The following MRPS6 variants were observed in gnomAD, a reference collection of about 807,000 sequenced individuals.
MRPS6 encodes the protein mitochondrial ribosomal protein S6.
Under a neutral mutation model 13.1 loss-of-function variants are expected in MRPS6, and 6 were observed. The observed-to-expected ratio is 0.46, with a 90% CI of 0.25 to 0.91. The LOEUF (loss-of-function observed/expected upper bound fraction) is 0.91. MRPS6 is among the 40% of genes least tolerant of loss of function. MRPS6 has a pLI of 0.18. For missense variants in MRPS6, 164 were observed against 155.6 expected (o/e 1.05, Z -0.29); for synonymous variants, 61 against 56.5 (o/e 1.08, Z -0.36).
intron 1 of MRPS6, chr21:34,095,687 C>T (rs1191189870): frequency 6.2e-7 from 1 of 1,613,646 alleles, no homozygotes; most frequent in Non-Finnish European, 8.5e-7. Context: ...TGTCTGTCAT[C>T]CTGCTCATTG....
intron 1 of MRPS6, among the ~76,000 whole-genome samples, chr21:34,093,977 CT>C (rs935858958): frequency 1.3e-5 from 2 of 152,122 alleles, no homozygotes; most frequent in Non-Finnish European, 2.9e-5. Context: ...CTTTTCTCTG[CT>C]TCTTATACCC....
At chr21:34,097,641 G>A (rs1465410004) in intron 1 of MRPS6, 1 of 1,133,108 alleles carries the variant, frequency 8.8e-7, no homozygotes, top group East Asian at 5.9e-5. Flanking sequence ...AGAGCACTTA[G>A]AGCAGAATAT....
chr21:34,132,369 T>G (rs571267688), intron 2 of MRPS6, among the ~76,000 whole-genome samples: 21 of 152,194 alleles, frequency 1.4e-4, no homozygotes, highest in Non-Finnish European at 2.6e-4. Context: ...CCCGGGCGCA[T>G]AGCAGCAGGA....
chr21:34,102,094 G>A, intron 1 of MRPS6: 4 of 999,972 alleles, frequency 4.0e-6, no homozygotes, highest in Non-Finnish European at 4.8e-6. Flanking sequence ...ACTTAGGGCT[G>A]CAAATCTTTT....
intron 1 of MRPS6, among the ~76,000 whole-genome samples, chr21:34,081,709 TG>T (rs1214724880): frequency 1.3e-5 from 2 of 152,210 alleles, no homozygotes. Flanking sequence ...AAAGTGGTTA[TG>T]TGACCTTGGA....
intron 1 of MRPS6, among the ~76,000 whole-genome samples, chr21:34,089,551 G>A (rs760330385): frequency 6.6e-6 from 1 of 152,144 alleles, no homozygotes; most frequent in Non-Finnish European, 1.5e-5. Context: ...ATCTTGGGCG[G>A]AGTGTATATG....
At chr21:34,136,385 T>A (rs959798773) in intron 2 of MRPS6, among the ~76,000 whole-genome samples, 1 of 152,160 alleles carries the variant, frequency 6.6e-6, no homozygotes, top group Non-Finnish European at 1.5e-5. Context: ...TGACTTCAGG[T>A]GATCTGCCTG....
rs374799113 is a variant in MRPS6, at chr21:34,142,613, G to C, written c.*13G>C. The stretch of plus-strand genomic sequence containing the variant: ...GAGGAAGAAGTGAGAAGATTCGCCA[G>C]ATTTTAGCCTTATATGTAATTCCTT... On this transcript the variant is annotated 3_prime_UTR_variant, in exon 3 of 3. Coordinates refer to ENST00000399312, the MANE Select transcript of MRPS6 (RefSeq NM_032476.4). The C allele has an allele frequency of 1.9e-6, 3 of 1,587,496 alleles. No homozygotes were observed. Among genetic ancestry groups the C allele is most frequent in the Non-Finnish European group, 1.7e-6 (2 of 1,169,722 alleles).
At chr21:34,101,502 A>T in intron 1 of MRPS6, 2 of 1,000,174 alleles carry the variant, frequency 2.0e-6, no homozygotes, top group African/African-American at 1.7e-5. Context: ...CTTCTTTACA[A>T]ATGGGATCTG....
At position 34,096,053 on chromosome 21, in the gene MRPS6, G is replaced by A. The variant is rs755514294; in HGVS notation, c.45+22308G>A. 6.2e-7 allele frequency: 1 copy of A among 1,614,084 alleles called. No individual in the cohort carries two copies. The highest frequency in any genetic ancestry group is 1.1e-5 in the South Asian group (1 of 91,084). On this transcript the variant is annotated intron_variant, in intron 1 of 2. Coordinates refer to ENST00000399312, the MANE Select transcript of MRPS6 (RefSeq NM_032476.4). This position sits in a 1 kb window ranked among gnomAD's most constrained non-coding sequence, Gnocchi z 5.9. The stretch of plus-strand genomic sequence containing the variant: ...GTGCTGACCAAGTCATCGTGCAGAG[G>A]GTCCTTGCAGCCAAAAACATTGCTC...
chr21:34,117,754 C>T (rs1480858732), intron 1 of MRPS6, among the ~76,000 whole-genome samples: 1 of 152,112 alleles, frequency 6.6e-6, no homozygotes, highest in South Asian at 2.1e-4. Flanking sequence ...TCACTTTGCC[C>T]TTTCACTCCA....
intron 1 of MRPS6, chr21:34,097,419 A>C: frequency 7.4e-7 from 1 of 1,356,686 alleles, no homozygotes; most frequent in East Asian, 2.6e-5. Flanking sequence ...GAAAAAAGTT[A>C]TGTAACTGTG....
chr21:34,106,931 T>A (rs1453184624), intron 1 of MRPS6, among the ~76,000 whole-genome samples: 1 of 152,222 alleles, frequency 6.6e-6, no homozygotes, highest in East Asian at 1.9e-4. Flanking sequence ...TATTGACTTT[T>A]TTTTTTTGGC....
Position 34,078,543 on chromosome 21 carries a change from A to C in MRPS6, c.45+4798A>C, listed in dbSNP as rs775068227. On this transcript the variant is annotated intron_variant, in intron 1 of 2. Transcript: ENST00000399312. ...TGATGTTTCTAGATTTTAAAAATCTAGGTTATATCTAGTATTATATGCAGA... is the reference window on the plus strand; with the variant it reads ...TGATGTTTCTAGATTTTAAAAATCTCGGTTATATCTAGTATTATATGCAGA... 1.2e-4 allele frequency among the ~76,000 whole-genome samples: 19 copies of C among 152,282 alleles called. No homozygotes were observed. The East Asian group carries it at 2.7e-3, about 22-fold the overall frequency.
intron 2 of MRPS6, chr21:34,135,885 AG>A: frequency 1.9e-6 from 1 of 536,094 alleles, no homozygotes; most frequent in Non-Finnish European, 3.5e-6. Context: ...TGGCAGCATA[AG>A]GCCCTGCATT....
At chr21:34,106,174 G>A in intron 1 of MRPS6, 2 of 988,870 alleles carry the variant, frequency 2.0e-6, no homozygotes, top group South Asian at 4.8e-5. Context: ...CCTTTCTGTG[G>A]TATTTTGTCC....
rs80046109 is a variant in MRPS6 at position 34,082,447 on chromosome 21, G to A, written c.45+8702G>A. 1.7e-3 allele frequency among the ~76,000 whole-genome samples: 254 copies of A among 152,162 alleles called. 1 individual carries two copies. The highest frequency in any genetic ancestry group is 5.9e-3 in the African/African-American group (245 of 41,468). On this transcript the variant is annotated intron_variant, in intron 1 of 2. Transcript: ENST00000399312. Reference sequence around the variant, plus strand: ...GATATCTTGTTTTAGGCATGTATTAGTACTATTTGGTTTGTACCCGTTGTA... The same window carrying A: ...GATATCTTGTTTTAGGCATGTATTAATACTATTTGGTTTGTACCCGTTGTA...
intron 1 of MRPS6, chr21:34,098,180 C>T (rs1979060175): frequency 1.0e-6 from 1 of 999,566 alleles, no homozygotes; most frequent in South Asian, 4.7e-5. Context: ...TGGAAATGAC[C>T]AGCCCCCTAA....
chr21:34,131,430 C>G (rs1328361549), intron 2 of MRPS6, among the ~76,000 whole-genome samples: 2 of 152,192 alleles, frequency 1.3e-5, no homozygotes, highest in African/African-American at 4.8e-5. Context: ...CACTGAGCCC[C>G]TTTTCTGGTC....
Sources: allele counts gnomAD v4.1 joint callset (sites outside exome capture counted in the v4.1 genomes callset), GRCh38; gene constraint gnomAD v4.1.1; non-coding constraint Gnocchi (gnomAD v3.1); transcripts MANE v1.5; gene names NCBI Gene and HGNC (gene_info 2026-07-23, HGNC 2026-07-21).